Variants in NOS3 observed in about 807,000 individuals in gnomAD.
NOS3 encodes the protein nitric oxide synthase 3.
NOS3 carries 98 observed loss-of-function variants against 144.9 expected under a neutral mutation model. The observed-to-expected ratio is 0.68, with a 90% CI of 0.57 to 0.80. NOS3 has a LOEUF of 0.80. NOS3 is among the 30% of genes least tolerant of loss of function. The probability of loss-of-function intolerance (pLI) is 0.00; values close to 1 mark genes in which losing one functional copy is unlikely to be tolerated. For missense variants in NOS3, 1,465 were observed against 1,656.4 expected, an observed-to-expected ratio of 0.88 and a Z score of 2.01; for synonymous variants, 714 against 702.4, an observed-to-expected ratio of 1.02 and a Z score of -0.26.
chr7:151,001,101 G>A, intron 10 of NOS3, 130 bp from the exon 11 acceptor site: 1 of 855,558 alleles, frequency 1.2e-6, no homozygotes, highest in Non-Finnish European at 1.9e-6. Context: ...GTGGTTTGAG[G>A]GGACACAGGG....
At chr7:151,006,846 C>T (rs1795213616) in intron 15 of NOS3, 43 bp from the exon 16 acceptor site, 2 of 1,501,540 alleles carry the variant, frequency 1.3e-6, no homozygotes, top group Admixed American at 1.7e-5. Flanking sequence ...AGCCTGTATC[C>T]CCAGGGCCCT....
At chr7:151,007,310 C>T in intron 17 of NOS3, 34 bp downstream of exon 17, 1 of 1,559,152 alleles carries the variant, frequency 6.4e-7, no homozygotes, top group Non-Finnish European at 8.6e-7. Flanking sequence ...CTGACTCCTG[C>T]CCCCTGGGAT....
rs746886189 is a variant in NOS3 at position 150,998,674 on chromosome 7, C to T, written c.810C>T (p.Ile270=). Residue 270 remains isoleucine (I), a synonymous_variant, in exon 7 of 27, where the codon ATC becomes ATT. Transcript: ENST00000297494. This position sits in a 1 kb window ranked among gnomAD's most constrained non-coding sequence, Gnocchi z 5.0. ...SVRGDPANVE[I]TELCIQHGWT... is the part of the protein sequence containing the mutation. ...GGGGGGACCCAGCCAACGTGGAGATCACCGAGGTGGGCACCGAGGGCCACC... is the reference window on the plus strand; with the variant it reads ...GGGGGGACCCAGCCAACGTGGAGATTACCGAGGTGGGCACCGAGGGCCACC... 1.5e-5 allele frequency: 24 copies of T among 1,606,278 alleles called. No homozygotes were observed. The highest frequency in any genetic ancestry group is 2.0e-5 in the Non-Finnish European group (24 of 1,177,774).
Position 151,012,008 on chromosome 7 carries a change from A to T in NOS3, c.2985-343A>T, listed in dbSNP as rs188452742. The T allele has an allele frequency of 2.6e-5, 8 of 302,148 alleles. No individual in the cohort carries two copies. The East Asian group carries it at 7.1e-4, about 27-fold the overall frequency. The allele number at this position is 302,148 out of a possible 1,614,324, so 18.7% of individuals were successfully genotyped here. On this transcript the variant is annotated intron_variant, in intron 23 of 26. Coordinates refer to ENST00000297494, the MANE Select transcript of NOS3 (RefSeq NM_000603.5). ...ACAAATAAACCGTACCCATCTACTG[A>T]ACATAAACTAAATACCACTATTAAG...
Position 150,993,711 on chromosome 7 carries a change from C to T in NOS3, c.-51-42C>T, listed in dbSNP as rs1802304547. On this transcript the variant is annotated intron_variant, in intron 1 of 26. Coordinates refer to ENST00000297494, the MANE Select transcript of NOS3 (RefSeq NM_000603.5). This position sits in a 1 kb window ranked among gnomAD's most constrained non-coding sequence, Gnocchi z 4.0. ...GCGAGGGCCAGCACTGGAGAGCCCC[C>T]TCCCACTGCCCCCTCCTCTCGGTCC... 1 of 1,329,666 alleles carries T rather than the reference C, an allele frequency of 7.5e-7. No homozygotes were observed. Among genetic ancestry groups the T allele is most frequent in the South Asian group, 1.4e-5 (1 of 69,156 alleles). The allele number at this position is 1,329,666 out of a possible 1,614,324, so 82.4% of individuals were successfully genotyped here.
Position 151,000,664 on chromosome 7 carries a change from A to G in NOS3, c.1233+65A>G, listed in dbSNP as rs1584903988. On this transcript the variant is annotated intron_variant, in intron 10 of 26. Coordinates refer to ENST00000297494, the MANE Select transcript of NOS3 (RefSeq NM_000603.5). ...CATACGGGGGCAGCAGGGGCGGGGGATGGAGGAGAGGCAGCCATTTAGAAA... is the reference window on the plus strand; with the variant it reads ...CATACGGGGGCAGCAGGGGCGGGGGGTGGAGGAGAGGCAGCCATTTAGAAA... 7 of 1,089,202 alleles carry G rather than the reference A, an allele frequency of 6.4e-6. No homozygotes were observed. The South Asian group carries it at 9.0e-5, about 14-fold the overall frequency. The allele number at this position is 1,089,202 out of a possible 1,614,324, so 67.5% of individuals were successfully genotyped here. A position where few individuals can be genotyped will look rare whatever the true frequency, so the allele number is the denominator to read the frequency against.
rs553801426 is a variant in NOS3 at position 151,010,668 on chromosome 7, G to A, written c.2757G>A (p.Pro919=). ...TGCTGGAGGTGCTGGAGCAGTTCCC[G>A]TCGGTGGCGCTGCCTGCCCCACTGC... is the stretch of plus-strand genomic sequence containing the variant. ...PTLLEVLEQF[P]SVALPAPLLL... Residue 919 remains proline (P), a synonymous_variant, in exon 22 of 27, where the codon CCG becomes CCA. Transcript: ENST00000297494. 18 of 1,608,498 alleles carry A rather than the reference G, an allele frequency of 1.1e-5. No individual in the cohort carries two copies. The Middle Eastern group carries it at 5.0e-4, about 44-fold the overall frequency.
chr7:151,003,829 C>T lies in NOS3; in HGVS notation c.1752+1525C>T. ...ACTCATTCTGCTGCTGAGTGCCGTT[C>T]ATTGTGTGAATATCCCCAGTTTGTT... On this transcript the variant is annotated intron_variant, in intron 14 of 26. Transcript: ENST00000297494. The surrounding 1 kb of genome is among the most constrained non-coding windows in gnomAD (Gnocchi z 4.1). 1 of 429,636 alleles carries T rather than the reference C, an allele frequency of 2.3e-6. No individual in the cohort carries two copies. Among genetic ancestry groups the T allele is most frequent in the Non-Finnish European group, 4.8e-6 (1 of 207,228 alleles). The allele number at this position is 429,636 out of a possible 1,614,324, so 26.6% of individuals were successfully genotyped here. A position where few individuals can be genotyped will look rare whatever the true frequency, so the allele number is the denominator to read the frequency against.
At chr7:151,012,128 ATTC>A in intron 23 of NOS3, 1 of 504,054 alleles carries the variant, frequency 2.0e-6, no homozygotes, top group East Asian at 3.1e-5. Flanking sequence ...TCATCTAAGT[ATTC>A]TTCAATCCAA....
chr7:151,011,267 G>C (rs1795298589), intron 23 of NOS3, among the ~76,000 whole-genome samples: 1 of 151,972 alleles, frequency 6.6e-6, no homozygotes, highest in Non-Finnish European at 1.5e-5. Context: ...TCCTCTCTAT[G>C]TCCCTGGGCT....
Position 150,993,896 on chromosome 7 carries a change from A to C in NOS3, c.93A>C (p.Pro31=), listed in dbSNP as rs976977218. 6.3e-7 allele frequency: 1 copy of C among 1,596,628 alleles called. No individual in the cohort carries two copies. Among genetic ancestry groups the C allele is most frequent in the South Asian group, 1.1e-5 (1 of 89,172 alleles). ...TTGGGCTGTGCGGCAAGCAGGGCCC[A>C]GCCACCCCGGCCCCTGAGCCCAGCC... The part of the protein sequence containing the change: ...LGLGLCGKQG[P]ATPAPEPSRA... The change falls in exon 2 of 27, where the codon CCA becomes CCC. Residue 31 remains proline, a synonymous_variant. Coordinates refer to ENST00000297494, the MANE Select transcript of NOS3 (RefSeq NM_000603.5). The surrounding 1 kb of genome is among the most constrained non-coding windows in gnomAD (Gnocchi z 4.0).
intron 11 of NOS3, 29 bp downstream of exon 11, chr7:151,001,454 T>C: frequency 6.3e-7 from 1 of 1,592,284 alleles, no homozygotes; most frequent in Non-Finnish European, 8.6e-7. Context: ...TCTGCCAGCC[T>C]GGGCCCAGCT....
chr7:151,014,355 T>C lies in NOS3; in HGVS notation c.*186T>C. ...CGCCTCTTTTCCCTCTCTAGGCCTG[T>C]TGCCTCGGGCCTGGGTCCGCCTTAA... On this transcript the variant is annotated 3_prime_UTR_variant, in exon 27 of 27. Transcript: ENST00000297494. The C allele has an allele frequency of 1.6e-6, 1 of 636,388 alleles. No homozygotes were observed. 39.4% of individuals were successfully genotyped at this position (636,388 alleles called of 1,614,324 possible).
rs1294157279 is a variant in NOS3, at chr7:150,993,948, G to C, written c.145G>C (p.Ala49Pro). The C allele has an allele frequency of 1.9e-6, 3 of 1,567,558 alleles. No individual in the cohort carries two copies. The South Asian group carries it at 3.5e-5, about 18-fold the overall frequency. Residue 49 changes from alanine to proline, a missense_variant, in exon 2 of 27, where the codon GCG becomes CCG. Around this residue, in one of 5 missense-constraint regions of NOS3, gnomAD observed 374 missense variants for 377.0 expected, o/e 0.99. Coordinates refer to ENST00000297494, the MANE Select transcript of NOS3 (RefSeq NM_000603.5). The surrounding 1 kb of genome is among the most constrained non-coding windows in gnomAD (Gnocchi z 4.0). ...SRAPASLLPP[A>P]PEHSPPSSPL... ...GGCCCCAGCATCCCTACTCCCACCA[G>C]CGCCAGAACACAGGTAAGGGCCAGG...
At chr7:151,007,531 C>T (rs1795224787) in intron 17 of NOS3, among the ~76,000 whole-genome samples, 1 of 152,194 alleles carries the variant, frequency 6.6e-6, no homozygotes, top group Admixed American at 6.5e-5. Flanking sequence ...GAGGGAGCTT[C>T]AGCCAGGCAC....
At chr7:151,013,046 A>G in intron 24 of NOS3, 185 bp from the exon 25 acceptor site, 2 of 633,656 alleles carry the variant, frequency 3.2e-6, no homozygotes, top group Non-Finnish European at 5.2e-6. Flanking sequence ...TTCCCTCTGT[A>G]AATCAGGGCT....
In NOS3 at chr7:150,998,945, G is replaced by A. The variant is rs1227055598; in HGVS notation, c.817-1G>A. On this transcript the variant is annotated splice_acceptor_variant, in intron 7 of 26. Coordinates refer to ENST00000297494, the MANE Select transcript of NOS3 (RefSeq NM_000603.5). LOFTEE classifies it high-confidence loss of function. The surrounding 1 kb of genome is among the most constrained non-coding windows in gnomAD (Gnocchi z 5.0). ...AACCCCCTCTGGCCCACTCCCCACA[G>A]CTCTGCATTCAGCACGGCTGGACCC... The A allele has an allele frequency of 5.6e-6, 9 of 1,611,448 alleles. No homozygotes were observed. Among genetic ancestry groups the A allele is most frequent in the Non-Finnish European group, 7.6e-6 (9 of 1,179,590 alleles).
chr7:151,005,819 G>GACT (rs1418074038), intron 14 of NOS3, among the ~76,000 whole-genome samples: 1 of 152,196 alleles, frequency 6.6e-6, no homozygotes, highest in Non-Finnish European at 1.5e-5. Flanking sequence ...CTTGAGCCCA[G>GACT]GAGTTCAAGG....
Position 150,991,021 on chromosome 7 carries a change from C to T in NOS3, c.-331C>T, listed in dbSNP as rs117810632. 2,524 of 152,270 alleles carry T rather than the reference C, an allele frequency of 0.017. 43 individuals carry two copies. The highest frequency in any genetic ancestry group is 0.052 in the South Asian group (253 of 4,824). The allele number at this position is 152,270 out of a possible 1,614,324, so 9.4% of individuals were successfully genotyped here. A position where few individuals can be genotyped will look rare whatever the true frequency, so the allele number is the denominator to read the frequency against. On this transcript the variant is annotated 5_prime_UTR_variant, in exon 1 of 27. Coordinates refer to ENST00000297494, the MANE Select transcript of NOS3 (RefSeq NM_000603.5). ...GCAGGTGACCAGTGGTGACTCAGTT[C>T]GGAGCAGGTGATAGAAGCTAGGAGG...
Sources: allele counts gnomAD v4.1 joint callset (sites outside exome capture counted in the v4.1 genomes callset), GRCh38; gene constraint gnomAD v4.1.1; regional missense constraint gnomAD v4.1.1; non-coding constraint Gnocchi (gnomAD v3.1); transcripts MANE v1.5; gene names NCBI Gene and HGNC (gene_info 2026-07-23, HGNC 2026-07-21).